The following PLEKHA1 variants were observed in gnomAD, a reference collection of about 807,000 sequenced individuals.
PLEKHA1 encodes the protein pleckstrin homology domain containing A1.
A neutral mutation model predicts 52.0 loss-of-function variants in PLEKHA1; 34 were observed. That is an observed-to-expected ratio of 0.65 (90% confidence interval 0.50 to 0.87). The LOEUF (loss-of-function observed/expected upper bound fraction) is 0.87, where lower values mean the gene tolerates loss of function less well. Among genes scored for constraint, PLEKHA1 ranks in the 40% least tolerant of loss-of-function variants. The pLI is 0.00. For missense variants in PLEKHA1, 497 were observed against 504.2 expected (o/e 0.99, Z 0.14); for synonymous variants, 163 against 170.7 (o/e 0.95, Z 0.35).
chr10:122,407,419 T>G (rs1041837218), intron 5 of PLEKHA1, among the ~76,000 whole-genome samples: 3 of 152,206 alleles, frequency 2.0e-5, no homozygotes, highest in Non-Finnish European at 4.4e-5. Flanking sequence ...AAAGTGAGGC[T>G]TAGAAAGATT....
Position 122,393,454 on chromosome 10 carries a change from A to G in PLEKHA1, c.141+113A>G. On this transcript the variant is annotated intron_variant, in intron 2 of 11. Transcript: ENST00000368990. The surrounding 1 kb of genome is among the most constrained non-coding windows in gnomAD (Gnocchi z 4.5). The stretch of plus-strand genomic sequence containing the variant: ...TCTTAAGCAGTATATTTTTAGATTT[A>G]TTTCTACTGGCTGTCCTCTCTGCCC... 3.7e-6 allele frequency: 4 copies of G among 1,078,628 alleles called. No homozygotes were observed. Among genetic ancestry groups the G allele is most frequent in the Non-Finnish European group, 5.0e-6 (4 of 805,520 alleles). 66.8% of individuals were successfully genotyped at this position (1,078,628 alleles called of 1,614,324 possible). A position where few individuals can be genotyped will look rare whatever the true frequency, so the allele number is the denominator to read the frequency against.
intron 7 of PLEKHA1, among the ~76,000 whole-genome samples, chr10:122,416,683 T>G (rs2097180419): frequency 6.6e-6 from 1 of 152,210 alleles, no homozygotes; most frequent in Admixed American, 6.5e-5. Context: ...TTTCTAAGGT[T>G]GCAACATACC....
At chr10:122,404,430 C>T (rs1395895348) in intron 4 of PLEKHA1, among the ~76,000 whole-genome samples, 1 of 152,026 alleles carries the variant, frequency 6.6e-6, no homozygotes, top group Non-Finnish European at 1.5e-5. Context: ...TTACTGTGTA[C>T]CAAGTGTAGT....
the PLEKHA1 span, chr10:122,441,859 T>C: frequency 1.3e-5 from 2 of 152,228 alleles, no homozygotes; most frequent in African/African-American, 4.8e-5. Context: ...CTTTGTTGTT[T>C]GATGCAACTA....
At chr10:122,375,520 G>A (rs1413704085) in intron 1 of PLEKHA1, among the ~76,000 whole-genome samples, 1 of 152,238 alleles carries the variant, frequency 6.6e-6, no homozygotes, top group Non-Finnish European at 1.5e-5. Context: ...GAGGCCAGCT[G>A]CCAACCGCAG....
chr10:122,397,996 A>G, intron 3 of PLEKHA1, 22 bp downstream of exon 3: 1 of 1,580,578 alleles, frequency 6.3e-7, no homozygotes, highest in Non-Finnish European at 8.7e-7. Context: ...ACATTGTCTT[A>G]TACTCGTGTG....
intron 8 of PLEKHA1, chr10:122,421,246 A>C (rs1313355930): frequency 6.6e-6 from 1 of 152,102 alleles, no homozygotes; most frequent in Non-Finnish European, 1.5e-5. Flanking sequence ...CACTTCTGTG[A>C]AATCCCTGCC....
rs7090725 is a variant in PLEKHA1, at chr10:122,430,282, T to C, written c.*344T>C. ...CAACTTAAAGCATTAAAAATGCTTA[T>C]TAATAACTTTGGTCATTTAAAAAAT... On this transcript the variant is annotated 3_prime_UTR_variant, in exon 12 of 12. Transcript: ENST00000368990. The C allele has an allele frequency of 0.054, 9,719 of 179,134 alleles. 1,057 individuals are homozygous for C. The highest frequency in any genetic ancestry group is 0.22 in the African/African-American group (9,191 of 42,408). The allele number at this position is 179,134 out of a possible 1,614,324, so 11.1% of individuals were successfully genotyped here. A position where few individuals can be genotyped will look rare whatever the true frequency, so the allele number is the denominator to read the frequency against.
chr10:122,386,433 G>A (rs879399405), intron 1 of PLEKHA1, among the ~76,000 whole-genome samples: 2 of 151,620 alleles, frequency 1.3e-5, no homozygotes, highest in Non-Finnish European at 2.9e-5. Context: ...TCATTTTTAT[G>A]GCTTGTCTTT....
chr10:122,403,120 C>T (rs190002823), intron 4 of PLEKHA1, among the ~76,000 whole-genome samples: 38 of 152,120 alleles, frequency 2.5e-4, no homozygotes, highest in Admixed American at 4.6e-4. Flanking sequence ...TTGATGAGAG[C>T]GGATTATCAA....
chr10:122,416,151 A>C, intron 7 of PLEKHA1, 149 bp downstream of exon 7: 4 of 934,558 alleles, frequency 4.3e-6, no homozygotes, highest in Non-Finnish European at 6.1e-6. Context: ...AAAATAGGGG[A>C]TATTCTCTGT....
chr10:122,421,104 A>G (rs1268727362), intron 8 of PLEKHA1: 1 of 151,964 alleles, frequency 6.6e-6, no homozygotes, highest in Non-Finnish European at 1.5e-5. Context: ...CAAGGGGGAA[A>G]AGAATAACAT....
At chr10:122,420,568 A>C (rs1217325036) in intron 8 of PLEKHA1, 1 of 152,240 alleles carries the variant, frequency 6.6e-6, no homozygotes, top group Non-Finnish European at 1.5e-5. Context: ...AAGATCATTT[A>C]AAAATTTTAA....
intron 11 of PLEKHA1, chr10:122,428,169 T>TG: frequency 1.9e-6 from 2 of 1,054,340 alleles, no homozygotes; most frequent in Non-Finnish European, 2.5e-6. Context: ...TGCTTTGTGG[T>TG]GGGGGCAGAT....
intron 2 of PLEKHA1, among the ~76,000 whole-genome samples, chr10:122,397,553 A>G (rs746763932): frequency 2.6e-5 from 4 of 152,132 alleles, no homozygotes; most frequent in Admixed American, 6.5e-5. Context: ...TAGTCTTTTT[A>G]AGTATCTTAC....
At chr10:122,441,923 C>G in the PLEKHA1 span, 1 of 152,194 alleles carries the variant, frequency 6.6e-6, no homozygotes, top group Non-Finnish European at 1.5e-5. Flanking sequence ...TGTTTGGAAT[C>G]TTTTATGATG....
intron 4 of PLEKHA1, among the ~76,000 whole-genome samples, chr10:122,406,333 A>G (rs2097014882): frequency 6.6e-6 from 1 of 152,180 alleles, no homozygotes; most frequent in African/African-American, 2.4e-5. Context: ...CTAAGTGTCT[A>G]TCATTAGGGG....
intron 11 of PLEKHA1, 82 bp from the exon 12 acceptor site, chr10:122,429,539 GTTT>G: frequency 9.3e-7 from 1 of 1,070,300 alleles, no homozygotes; most frequent in Non-Finnish European, 1.4e-6. Flanking sequence ...TGTTTTATTT[GTTT>G]TTCAGAGAAT....
At chr10:122,427,108 C>T in intron 11 of PLEKHA1, 77 bp downstream of exon 11, 2 of 1,331,282 alleles carry the variant, frequency 1.5e-6, no homozygotes, top group South Asian at 2.6e-5. Context: ...CCCAATCCAT[C>T]CGGTTTCTTT....
Sources: allele counts gnomAD v4.1 joint callset (sites outside exome capture counted in the v4.1 genomes callset), GRCh38; gene constraint gnomAD v4.1.1; non-coding constraint Gnocchi (gnomAD v3.1); transcripts MANE v1.5; gene names NCBI Gene and HGNC (gene_info 2026-07-23, HGNC 2026-07-21).